NRCAM: variants seen among roughly 807,000 people sequenced by gnomAD.
NRCAM encodes the protein neuronal cell adhesion molecule, also known as NgCAM-related cell adhesion molecule.
In NRCAM, 83 loss-of-function variants were observed where a neutral mutation model predicts 156.5. The ratio of observed to expected loss-of-function variants is 0.53; its 90% CI spans 0.44 to 0.64. The LOEUF is 0.64. Among genes scored for constraint, NRCAM ranks in the 30% least tolerant of loss-of-function variants. NRCAM has a pLI of 0.00. For synonymous variants in NRCAM, 538 were observed against 563.9 expected (o/e 0.95, Z 0.65); for missense variants, 1,417 against 1,597.3 (o/e 0.89, Z 1.92).
chr7:108,365,537 A>G (rs150468220), intron 2 of NRCAM, among the ~76,000 whole-genome samples: 186 of 152,332 alleles, frequency 1.2e-3, no homozygotes, highest in African/African-American at 4.0e-3. Context: ...TATAGTGAGA[A>G]CATTTAAAAT....
rs1047106018 is a variant in NRCAM at position 108,385,206 on chromosome 7, A to G, written c.-174+14230T>C. ...CATATATTACATTGAAAATGTACAC[A>G]TTAGGATGATTCAAACCCTTGTATT... is the stretch of plus-strand genomic sequence containing the variant. On this transcript the variant is annotated intron_variant, in intron 2 of 32. Coordinates refer to ENST00000379028, the MANE Select transcript of NRCAM (RefSeq NM_001037132.4). Among the ~76,000 whole-genome samples the G allele has an allele frequency of 3.8e-4, 58 of 152,218 alleles. 2 individuals are homozygous for G. The highest frequency in any genetic ancestry group is 1.5e-5 in the Non-Finnish European group (1 of 68,050).
At chr7:108,168,423 T>C in intron 28 of NRCAM, 21 bp from the exon 29 acceptor site, 2 of 1,576,038 alleles carry the variant, frequency 1.3e-6, no homozygotes, top group East Asian at 2.3e-5. Context: ...AATAGAAAAA[T>C]AAAACAAACA....
chr7:108,268,915 T>C (rs984162826), intron 3 of NRCAM, among the ~76,000 whole-genome samples: 4 of 152,204 alleles, frequency 2.6e-5, no homozygotes, highest in Non-Finnish European at 4.4e-5. Context: ...TTTACAAATA[T>C]TAACTTCTTT....
intron 13 of NRCAM, among the ~76,000 whole-genome samples, chr7:108,205,606 C>T (rs1380248186): frequency 6.6e-6 from 1 of 152,160 alleles, no homozygotes; most frequent in Non-Finnish European, 1.5e-5. Context: ...TTCACTGAGT[C>T]TAGATCTCAG....
chr7:108,216,805 C>A (rs979694685), intron 11 of NRCAM, among the ~76,000 whole-genome samples: 2 of 152,156 alleles, frequency 1.3e-5, no homozygotes, highest in African/African-American at 2.4e-5. Context: ...TTCTAATTAG[C>A]AATTCCTCTA....
intron 2 of NRCAM, among the ~76,000 whole-genome samples, chr7:108,368,725 GAA>G (rs937371489): frequency 6.7e-6 from 1 of 149,360 alleles, no homozygotes; most frequent in Non-Finnish European, 1.5e-5. Context: ...CCTCAAACCA[GAA>G]AAAAAAACAA....
At chr7:108,340,176 C>A (rs2099259601) in intron 2 of NRCAM, among the ~76,000 whole-genome samples, 1 of 152,130 alleles carries the variant, frequency 6.6e-6, no homozygotes, top group Non-Finnish European at 1.5e-5. Flanking sequence ...AATAAGCAAC[C>A]CCCTTCAACC....
At chr7:108,242,899 A>G (rs1468622621) in intron 3 of NRCAM, 2 of 152,228 alleles carry the variant, frequency 1.3e-5, no homozygotes, top group African/African-American at 4.8e-5. Flanking sequence ...CAATATAGAG[A>G]AAATCATTAG....
chr7:108,415,075 G>T (rs1363971076), intron 1 of NRCAM, among the ~76,000 whole-genome samples: 1 of 152,170 alleles, frequency 6.6e-6, no homozygotes, highest in Non-Finnish European at 1.5e-5. Context: ...TTCTTAGGAG[G>T]TTGCAGTATA....
intron 3 of NRCAM, among the ~76,000 whole-genome samples, chr7:108,244,374 G>A (rs2095762399): frequency 6.6e-6 from 1 of 152,122 alleles, no homozygotes; most frequent in African/African-American, 2.4e-5. Context: ...TAAGTGGGTA[G>A]GACATCATCT....
At chr7:108,218,254 G>A (rs988698914) in intron 11 of NRCAM, among the ~76,000 whole-genome samples, 1 of 151,644 alleles carries the variant, frequency 6.6e-6, no homozygotes, top group African/African-American at 2.4e-5. Context: ...CGCCCTCTGT[G>A]GGCTGCTTCC....
chr7:108,352,306 G>A (rs1243861782), intron 2 of NRCAM, among the ~76,000 whole-genome samples: 2 of 152,180 alleles, frequency 1.3e-5, no homozygotes, highest in Non-Finnish European at 2.9e-5. Context: ...GCAATATTAA[G>A]AGCATCTTAA....
chr7:108,193,637 C>A (rs1005667770), intron 17 of NRCAM, among the ~76,000 whole-genome samples: 2 of 152,098 alleles, frequency 1.3e-5, no homozygotes, highest in African/African-American at 4.8e-5. Context: ...AAAATACTGA[C>A]AAGGATTTGA....
At chr7:108,302,080 C>A (rs73416365) in intron 3 of NRCAM, among the ~76,000 whole-genome samples, 1,541 of 150,360 alleles carry the variant, frequency 0.01, 27 homozygotes, top group African/African-American at 0.034. Context: ...AACAAATCAA[C>A]AACAGAAACA....
intron 8 of NRCAM, among the ~76,000 whole-genome samples, chr7:108,227,583 T>C (rs1589139703): frequency 6.6e-6 from 1 of 152,186 alleles, no homozygotes; most frequent in Non-Finnish European, 1.5e-5. Context: ...TCTAAGTGGA[T>C]GAAGGATGCA....
chr7:108,268,018 T>TATATTTAGCCATC (rs2097172978), intron 3 of NRCAM, among the ~76,000 whole-genome samples: 2 of 8,818 alleles, frequency 2.3e-4, no homozygotes, highest in Non-Finnish European at 4.9e-4. Context: ...GATTTTTAAT[T>TATATTTAGCCATC]TTCTCATTAA....
chr7:108,178,461 C>A, intron 25 of NRCAM: 1 of 365,654 alleles, frequency 2.7e-6, no homozygotes, highest in South Asian at 2.2e-5. Flanking sequence ...TGAAACTATT[C>A]TAACTGGATC....
At chr7:108,395,036 G>T (rs1401918101) in intron 2 of NRCAM, among the ~76,000 whole-genome samples, 1 of 152,104 alleles carries the variant, frequency 6.6e-6, no homozygotes, top group Non-Finnish European at 1.5e-5. Context: ...TAAAAAGCTA[G>T]AAAGTCAACA....
chr7:108,389,872 ATGT>A, intron 2 of NRCAM, among the ~76,000 whole-genome samples: 1 of 152,140 alleles, frequency 6.6e-6, no homozygotes. Context: ...TGATTTGTGT[ATGT>A]TGAATGAGCC....
Sources: allele counts gnomAD v4.1 joint callset (sites outside exome capture counted in the v4.1 genomes callset), GRCh38; gene constraint gnomAD v4.1.1; transcripts MANE v1.5; gene names NCBI Gene and HGNC (gene_info 2026-07-23, HGNC 2026-07-21).